The following FSTL4 variants were observed in gnomAD, a reference collection of about 807,000 sequenced individuals.
FSTL4 encodes follistatin like 4, also known as follistatin-related protein 4.
Under a neutral mutation model 78.2 loss-of-function variants are expected in FSTL4, and 28 were observed. The observed-to-expected ratio is 0.36, with a 90% CI of 0.27 to 0.49. FSTL4 has a LOEUF of 0.49. FSTL4 is among the 20% of genes least tolerant of loss of function. The probability of loss-of-function intolerance (pLI) is 0.98; values close to 1 mark genes in which losing one functional copy is unlikely to be tolerated. For synonymous variants in FSTL4, 422 were observed against 440.5 expected, an observed-to-expected ratio of 0.96 and a Z score of 0.53; for missense variants, 922 against 1,084.9, an observed-to-expected ratio of 0.85 and a Z score of 2.11.
At chr5:133,309,416 C>A (rs1038529419) in intron 6 of FSTL4, among the ~76,000 whole-genome samples, 1 of 152,202 alleles carries the variant, frequency 6.6e-6, no homozygotes, top group Non-Finnish European at 1.5e-5. Context: ...CAGAGAGAGG[C>A]AATTGGGAGC....
At chr5:133,582,617 T>A (rs1292321610) in intron 2 of FSTL4, among the ~76,000 whole-genome samples, 1 of 152,132 alleles carries the variant, frequency 6.6e-6, no homozygotes, top group Non-Finnish European at 1.5e-5. Flanking sequence ...GGGAAAGGCA[T>A]CTGTTGGTAC....
At chr5:133,731,578 G>T in the FSTL4 span, among the ~76,000 whole-genome samples, 1 of 152,178 alleles carries the variant, frequency 6.6e-6, no homozygotes, top group Non-Finnish European at 1.5e-5. Context: ...ACATATGCAG[G>T]AAAAAGACTA....
chr5:133,542,114 A>T (rs374380), intron 3 of FSTL4, among the ~76,000 whole-genome samples: 64,702 of 151,828 alleles, frequency 0.43, 14,358 homozygotes, highest in African/African-American at 0.55. Context: ...CTACTGGTTT[A>T]AAAAAAATGG....
the FSTL4 span, among the ~76,000 whole-genome samples, chr5:133,781,364 GTTGTGTGTGTGT>G: frequency 1.1e-5 from 1 of 89,506 alleles, no homozygotes; most frequent in Admixed American, 1.4e-4. Context: ...TTGTTAAGCG[GTTGTGTGTGTGT>G]GTGTGTGTGT....
intron 13 of FSTL4, among the ~76,000 whole-genome samples, chr5:133,214,351 CAA>C (rs1750840342): frequency 6.6e-6 from 1 of 152,180 alleles, no homozygotes; most frequent in African/African-American, 2.4e-5. Context: ...GAATCAATAA[CAA>C]AGAGGCAGTT....
the FSTL4 span, among the ~76,000 whole-genome samples, chr5:133,782,187 CCTCA>C: frequency 1.3e-5 from 2 of 152,210 alleles, no homozygotes; most frequent in East Asian, 3.8e-4. Flanking sequence ...AAATATTTAG[CCTCA>C]CTAATAATCA....
intron 3 of FSTL4, among the ~76,000 whole-genome samples, chr5:133,427,048 A>G (rs143900228): frequency 9.9e-5 from 15 of 152,248 alleles, no homozygotes; most frequent in Middle Eastern, 3.4e-3. Flanking sequence ...ACTAGCTCAC[A>G]CTGCCCCCCA....
At position 133,312,645 on chromosome 5, in the gene FSTL4, C is replaced by A. The variant is rs753651700; in HGVS notation, c.727+9G>T. The A allele has an allele frequency of 9.3e-6, 15 of 1,613,718 alleles. No individual in the cohort carries two copies. The East Asian group carries it at 3.1e-4, about 34-fold the overall frequency. On this transcript the variant is annotated intron_variant, in intron 6 of 15. Transcript: ENST00000265342. ...AAATAAGCCCTTTTCCCACTGGGAC[C>A]CAACTTACGGAAGGCCATGTAGAAC... is the stretch of plus-strand genomic sequence containing the variant.
intron 3 of FSTL4, among the ~76,000 whole-genome samples, chr5:133,443,283 C>G: frequency 6.6e-6 from 1 of 152,222 alleles, no homozygotes; most frequent in African/African-American, 2.4e-5. Context: ...AAGCGGAGCT[C>G]GATTCCTCTA....
intron 3 of FSTL4, among the ~76,000 whole-genome samples, chr5:133,518,442 T>C (rs1758908527): frequency 6.6e-6 from 1 of 152,248 alleles, no homozygotes; most frequent in Admixed American, 6.5e-5. Context: ...ACCATTTTTA[T>C]ACTATCAAAT....
chr5:133,825,378 T>G, the FSTL4 span, among the ~76,000 whole-genome samples: 1 of 152,192 alleles, frequency 6.6e-6, no homozygotes, highest in African/African-American at 2.4e-5. Context: ...CTCAAGATGG[T>G]TCTTGTATAA....
the FSTL4 span, among the ~76,000 whole-genome samples, chr5:133,704,760 C>G: frequency 5.9e-5 from 9 of 152,236 alleles, no homozygotes; most frequent in African/African-American, 1.9e-4. Flanking sequence ...CTTCAGGTGA[C>G]TGCCTGAGGA....
intron 3 of FSTL4, among the ~76,000 whole-genome samples, chr5:133,481,413 A>C (rs1461892922): frequency 6.6e-6 from 1 of 151,950 alleles, no homozygotes; most frequent in Non-Finnish European, 1.5e-5. Flanking sequence ...ATGGTGGCAC[A>C]CACCTATAGT....
At chr5:133,608,102 C>T (rs1463366690) in intron 1 of FSTL4, among the ~76,000 whole-genome samples, 4 of 152,162 alleles carry the variant, frequency 2.6e-5, no homozygotes, top group African/African-American at 4.8e-5. Flanking sequence ...CAAGAATCTC[C>T]CCATTATAGA....
chr5:133,681,766 C>G, the FSTL4 span, among the ~76,000 whole-genome samples: 3 of 152,310 alleles, frequency 2.0e-5, no homozygotes, highest in East Asian at 3.9e-4. Flanking sequence ...AATGACCCAT[C>G]ATCAGAGCAG....
intron 7 of FSTL4, chr5:133,247,575 A>C (rs1049631281): frequency 2.0e-5 from 3 of 152,240 alleles, no homozygotes; most frequent in African/African-American, 7.2e-5. Flanking sequence ...TCACACTCAC[A>C]AACATGCACC....
chr5:133,351,870 A>C (rs1754830720), intron 4 of FSTL4, among the ~76,000 whole-genome samples: 1 of 152,162 alleles, frequency 6.6e-6, no homozygotes, highest in Non-Finnish European at 1.5e-5. Context: ...GGACTCCCAA[A>C]GTGCTGAGAT....
chr5:133,768,371 T>C, the FSTL4 span, among the ~76,000 whole-genome samples: 6 of 152,160 alleles, frequency 3.9e-5, no homozygotes, highest in Non-Finnish European at 5.9e-5. Flanking sequence ...GCAGCGAGCA[T>C]TTTGTGGAGG....
intron 3 of FSTL4, among the ~76,000 whole-genome samples, chr5:133,494,597 A>G (rs1300094913): frequency 6.6e-6 from 1 of 152,230 alleles, no homozygotes; most frequent in Non-Finnish European, 1.5e-5. Context: ...ATGTTCAACA[A>G]CTGCGTCTTT....
Sources: allele counts gnomAD v4.1 joint callset (sites outside exome capture counted in the v4.1 genomes callset), GRCh38; gene constraint gnomAD v4.1.1; transcripts MANE v1.5; gene names NCBI Gene and HGNC (gene_info 2026-07-23, HGNC 2026-07-21).